The following ATP8B2 variants were observed in gnomAD, a reference collection of about 807,000 sequenced individuals.
ATP8B2 encodes the protein phospholipid-transporting ATPase ID.
In ATP8B2, 70 loss-of-function variants were observed where a neutral mutation model predicts 133.4. The ratio of observed to expected loss-of-function variants is 0.52; its 90% CI spans 0.43 to 0.64. The LOEUF (loss-of-function observed/expected upper bound fraction) is 0.64, where lower values mean the gene tolerates loss of function less well. Ranked by LOEUF, ATP8B2 falls within the 30% of genes least tolerant of loss-of-function variation. The pLI is 0.00. For missense variants in ATP8B2, 1,101 were observed against 1,535.7 expected, an observed-to-expected ratio of 0.72 and a Z score of 4.73; for synonymous variants, 517 against 589.5, an observed-to-expected ratio of 0.88 and a Z score of 1.78.
At position 154,344,713 on chromosome 1, in the gene ATP8B2, T is replaced by G. The variant is rs538615432; in HGVS notation, c.2214T>G (p.Ser738=). 6.2e-7 allele frequency: 1 copy of G among 1,612,004 alleles called. No homozygotes were observed. The highest frequency in any genetic ancestry group is 8.5e-7 in the Non-Finnish European group (1 of 1,178,304). The change falls in exon 21 of 28, where the codon TCT becomes TCG. Residue 738 remains serine (S), a synonymous_variant. Coordinates refer to ENST00000368489, the MANE Select transcript of ATP8B2 (RefSeq NM_001370597.1). This position sits in a 1 kb window ranked among gnomAD's most constrained non-coding sequence, Gnocchi z 4.1. ...GNGFTYQDKL[S]SSKLTSVLEA... ...GCTTCACCTATCAGGACAAGCTTTC[T>G]TCTTCCAAGCTAACTTCTGTCCTGG...
At position 154,328,995 on chromosome 1, in the gene ATP8B2, TC is replaced by T; in HGVS notation, c.31+827del. The T allele has an allele frequency of 7.7e-7, 1 of 1,303,768 alleles. No homozygotes were observed. Among genetic ancestry groups the T allele is most frequent in the Non-Finnish European group, 1.0e-6 (1 of 988,812 alleles). 80.8% of individuals were successfully genotyped at this position (1,303,768 alleles called of 1,614,324 possible). On this transcript the variant is annotated intron_variant, in intron 2 of 27. Transcript: ENST00000368489. The surrounding 1 kb of genome is among the most constrained non-coding windows in gnomAD (Gnocchi z 4.6). The stretch of plus-strand genomic sequence containing the variant: ...CCCACTCAAACCGGGATCATGACGG[TC>T]CCCAAGGAGATGCCCGAGAAGTGGG...
rs1469683805 is a variant in ATP8B2, at chr1:154,331,790, T to TTCTC, written c.438+113_438+116dup. The TTCTC allele has an allele frequency of 7.4e-7, 1 of 1,352,578 alleles. No individual in the cohort carries two copies. The highest frequency in any genetic ancestry group is 1.1e-6 in the Non-Finnish European group (1 of 945,564). The allele number at this position is 1,352,578 out of a possible 1,614,324, so 83.8% of individuals were successfully genotyped here. On this transcript the variant is annotated intron_variant, in intron 7 of 27. Coordinates refer to ENST00000368489, the MANE Select transcript of ATP8B2 (RefSeq NM_001370597.1). This position sits in a 1 kb window ranked among gnomAD's most constrained non-coding sequence, Gnocchi z 4.8. ...TCTTAAACACCCGTGGCAGGAATCT[T>TTCTC]TCTCACACCAGGGGCTTCTGTGTCA...
Position 154,331,546 on chromosome 1 carries a change from G to A in ATP8B2, c.365+41G>A, listed in dbSNP as rs1344962000. On this transcript the variant is annotated intron_variant, in intron 6 of 27. Transcript: ENST00000368489. The surrounding 1 kb of genome is among the most constrained non-coding windows in gnomAD (Gnocchi z 4.8). ...AGACAAGAGCTCTGGGGACGAAGGG[G>A]GTCCCTTAGGAACCTCTTTAGCTCC... 1.2e-6 allele frequency: 2 copies of A among 1,613,196 alleles called. No homozygotes were observed. The highest frequency in any genetic ancestry group is 1.7e-6 in the Non-Finnish European group (2 of 1,179,240).
Position 154,334,712 on chromosome 1 carries a change from G to C in ATP8B2, c.837+121G>C, listed in dbSNP as rs1674562581. ...GGTTTGGCTTTAAAGCTGCTAGCAG[G>C]TCAGCTACACAAAGGCAGTGTTTAT... On this transcript the variant is annotated intron_variant, in intron 11 of 27. Transcript: ENST00000368489. The surrounding 1 kb of genome is among the most constrained non-coding windows in gnomAD (Gnocchi z 4.6). The C allele has an allele frequency of 1.3e-6, 1 of 745,302 alleles. No individual in the cohort carries two copies. The highest frequency in any genetic ancestry group is 2.2e-6 in the Non-Finnish European group (1 of 454,726). The allele number at this position is 745,302 out of a possible 1,614,324, so 46.2% of individuals were successfully genotyped here.
intron 9 of ATP8B2, among the ~76,000 whole-genome samples, chr1:154,332,901 G>A (rs995828646): frequency 2.0e-5 from 3 of 152,194 alleles, no homozygotes; most frequent in African/African-American, 7.2e-5. Flanking sequence ...CTTTGTGGCT[G>A]ATAGCTCCCC....
In ATP8B2 at chr1:154,349,683, T is replaced by A. The variant is rs1198765009; in HGVS notation, c.*565T>A. The A allele has an allele frequency of 6.5e-6, 1 of 154,576 alleles. No homozygotes were observed. The highest frequency in any genetic ancestry group is 1.4e-5 in the Non-Finnish European group (1 of 69,340). 9.6% of individuals were successfully genotyped at this position (154,576 alleles called of 1,614,324 possible). On this transcript the variant is annotated 3_prime_UTR_variant, in exon 28 of 28. Transcript: ENST00000368489. ...TGTGACTTTTATGTTGTGGTTGGTG[T>A]CTTAACTCTCCTGGGAAAAGGAGGC...
intron 26 of ATP8B2, 103 bp from the exon 27 acceptor site, chr1:154,348,302 AGAG>A: frequency 7.9e-7 from 1 of 1,259,102 alleles, no homozygotes; most frequent in South Asian, 1.7e-5. Flanking sequence ...GCGGGAAGCC[AGAG>A]GTGACTTAGG....
chr1:154,343,288 G>T lies in ATP8B2; in HGVS notation c.1629G>T (p.Arg543=). ...AILDFNNIRK[R]MSVIVRNPEG... is the part of the protein sequence containing the mutation. ...TGGACTTCAACAACATCCGCAAGCGGATGTCGGTCATAGGTGAGGCCAGGC... is the reference window on the plus strand; with the variant it reads ...TGGACTTCAACAACATCCGCAAGCGTATGTCGGTCATAGGTGAGGCCAGGC... The change falls in exon 16 of 28, where the codon CGG becomes CGT. Residue 543 remains arginine (R), a synonymous_variant. Coordinates refer to ENST00000368489, the MANE Select transcript of ATP8B2 (RefSeq NM_001370597.1). This position sits in a 1 kb window ranked among gnomAD's most constrained non-coding sequence, Gnocchi z 5.8. 6.2e-7 allele frequency: 1 copy of T among 1,614,120 alleles called. No homozygotes were observed. The highest frequency in any genetic ancestry group is 1.3e-5 in the African/African-American group (1 of 75,034).
chr1:154,329,863 G>T (rs1186067756), intron 2 of ATP8B2, among the ~76,000 whole-genome samples: 4 of 152,076 alleles, frequency 2.6e-5, no homozygotes, highest in Admixed American at 6.6e-5. Flanking sequence ...GCTCCTGTAG[G>T]GGGGACTGCA....
Position 154,325,568 on chromosome 1 carries a change from CGAGG to C in ATP8B2, c.-171_-168del, listed in dbSNP as rs1685756189. On this transcript the variant is annotated 5_prime_UTR_variant, in exon 1 of 28. Transcript: ENST00000368489. ...CCGAAACTGACACAAAGTAGCGGGC[CGAGG>C]CCCCGGGGGAGCGGGGCCGCAGCTG... The C allele has an allele frequency of 6.6e-6, 1 of 151,950 alleles. No homozygotes were observed. The highest frequency in any genetic ancestry group is 1.5e-5 in the Non-Finnish European group (1 of 67,898). The allele number at this position is 151,950 out of a possible 1,614,324, so 9.4% of individuals were successfully genotyped here.
chr1:154,326,417 C>T (rs1201787844), intron 1 of ATP8B2, among the ~76,000 whole-genome samples: 1 of 152,132 alleles, frequency 6.6e-6, no homozygotes, highest in Non-Finnish European at 1.5e-5. Context: ...CTTGCCGGGG[C>T]TGGCTATTTT....
chr1:154,327,878 A>AGTCTC (rs775618465), intron 1 of ATP8B2: 443 of 1,610,974 alleles, frequency 2.7e-4, no homozygotes, highest in Non-Finnish European at 3.6e-4. Context: ...GCTTCTGTAA[A>AGTCTC]GTCTCAGCCC....
rs1390063230 is a variant in ATP8B2, at chr1:154,351,153, T to A, written c.*2035T>A. On this transcript the variant is annotated 3_prime_UTR_variant, in exon 28 of 28. Coordinates refer to ENST00000368489, the MANE Select transcript of ATP8B2 (RefSeq NM_001370597.1). ...ATATATATATTATTTTTTGGTTCTC[T>A]CTCGTTTTTTAGGGAGGGAAGAAAG... The A allele has an allele frequency of 6.6e-6, 1 of 150,660 alleles. No individual in the cohort carries two copies. The highest frequency in any genetic ancestry group is 1.5e-5 in the Non-Finnish European group (1 of 67,682). 9.3% of individuals were successfully genotyped at this position (150,660 alleles called of 1,614,324 possible). A position where few individuals can be genotyped will look rare whatever the true frequency, so the allele number is the denominator to read the frequency against.
Position 154,348,936 on chromosome 1 carries a change from T to G in ATP8B2, c.3391T>G (p.Phe1131Val). 1.2e-6 allele frequency: 2 copies of G among 1,614,236 alleles called. No homozygotes were observed. Among genetic ancestry groups the G allele is most frequent in the Non-Finnish European group, 1.7e-6 (2 of 1,180,034 alleles). Residue 1131 changes from phenylalanine to valine, a missense_variant, in exon 28 of 28, where the codon TTC (phenylalanine) becomes GTC (valine). Physicochemically the swap from Phe to Val is conservative, Grantham distance 50. Coordinates refer to ENST00000368489, the MANE Select transcript of ATP8B2 (RefSeq NM_001370597.1). ...RTGSRRSGYA[F>V]SHQEGFGELI... ...TGGCTCCCGGCGCTCCGGCTATGCC[T>G]TCTCCCATCAGGAGGGCTTCGGGGA...
chr1:154,336,602 C>T (rs1192102564), intron 11 of ATP8B2, among the ~76,000 whole-genome samples: 26 of 151,668 alleles, frequency 1.7e-4, no homozygotes, highest in Admixed American at 1.6e-3. Flanking sequence ...ATTCTCCTGC[C>T]TCAGCCTCCC....
At position 154,343,623 on chromosome 1, in the gene ATP8B2, G is replaced by T. The variant is rs1045311582; in HGVS notation, c.1758+55G>T. On this transcript the variant is annotated intron_variant, in intron 17 of 27. Coordinates refer to ENST00000368489, the MANE Select transcript of ATP8B2 (RefSeq NM_001370597.1). The surrounding 1 kb of genome is among the most constrained non-coding windows in gnomAD (Gnocchi z 5.8). Reference sequence around the variant, plus strand: ...GGGGGGTTCTACTCTTAGTGTGGGGGAGGCGACTTAAGTTTGTTTTATTGT... The same window carrying T: ...GGGGGGTTCTACTCTTAGTGTGGGGTAGGCGACTTAAGTTTGTTTTATTGT... 5.9e-6 allele frequency: 9 copies of T among 1,518,544 alleles called. No homozygotes were observed. Among genetic ancestry groups the T allele is most frequent in the African/African-American group, 2.8e-5 (2 of 72,692 alleles). The allele number at this position is 1,518,544 out of a possible 1,614,324, so 94.1% of individuals were successfully genotyped here.
At chr1:154,329,738 A>G (rs1685917970) in intron 2 of ATP8B2, among the ~76,000 whole-genome samples, 1 of 152,126 alleles carries the variant, frequency 6.6e-6, no homozygotes, top group Admixed American at 6.5e-5. Flanking sequence ...TGCATGACCC[A>G]TATCCCTGAA....
chr1:154,341,148 G>A (rs770425685), intron 13 of ATP8B2, 86 bp downstream of exon 13: 1 of 1,413,848 alleles, frequency 7.1e-7, no homozygotes, highest in Non-Finnish European at 9.8e-7. Context: ...CTTAACATTG[G>A]TTTTTTCTTC....
rs779323305 is a variant in ATP8B2 at position 154,343,062 on chromosome 1, C to T, written c.1454-51C>T. ...GGGCTGGGGCTTCCTGGGCGGGGCA[C>T]GTGGCTGAGGGAAGCCACTTATATC... On this transcript the variant is annotated intron_variant, in intron 15 of 27. Coordinates refer to ENST00000368489, the MANE Select transcript of ATP8B2 (RefSeq NM_001370597.1). This position sits in a 1 kb window ranked among gnomAD's most constrained non-coding sequence, Gnocchi z 5.8. 1.7e-5 allele frequency: 27 copies of T among 1,595,116 alleles called. 1 individual carries two copies. Among genetic ancestry groups the T allele is most frequent in the East Asian group, 1.6e-4 (7 of 44,700 alleles).
Sources: allele counts gnomAD v4.1 joint callset (sites outside exome capture counted in the v4.1 genomes callset), GRCh38; gene constraint gnomAD v4.1.1; non-coding constraint Gnocchi (gnomAD v3.1); transcripts MANE v1.5; gene names NCBI Gene and HGNC (gene_info 2026-07-23, HGNC 2026-07-21).